Variants in EPHB2 observed in about 807,000 individuals in gnomAD.
The protein encoded by EPHB2 is EPH receptor B2.
EPHB2 carries 18 observed loss-of-function variants against 96.4 expected under a neutral mutation model. That is an observed-to-expected ratio of 0.19 (90% CI 0.13 to 0.28). EPHB2 has a LOEUF of 0.28. Among genes scored for constraint, EPHB2 ranks in the 10% least tolerant of loss-of-function variants. The pLI, the probability that EPHB2 is intolerant of heterozygous loss-of-function variation, is 1.00. For synonymous variants in EPHB2, 506 were observed against 534.1 expected, an observed-to-expected ratio of 0.95 and a Z score of 0.72; for missense variants, 989 against 1,355.4, an observed-to-expected ratio of 0.73 and a Z score of 4.25.
intron 3 of EPHB2, among the ~76,000 whole-genome samples, chr1:22,851,856 C>T (rs1467414171): frequency 6.6e-6 from 1 of 152,238 alleles, no homozygotes; most frequent in Non-Finnish European, 1.5e-5. Context: ...GCCCTGCACA[C>T]AGATGGCCTG....
intron 2 of EPHB2, among the ~76,000 whole-genome samples, chr1:22,783,243 C>T (rs1644559998): frequency 1.3e-5 from 2 of 152,228 alleles, no homozygotes; most frequent in Non-Finnish European, 2.9e-5. Context: ...GGGGTCTAAC[C>T]ATACAGACCA....
At chr1:22,723,995 A>C (rs928033473) in intron 1 of EPHB2, among the ~76,000 whole-genome samples, 1 of 152,248 alleles carries the variant, frequency 6.6e-6, no homozygotes, top group African/African-American at 2.4e-5. Context: ...GAAGGCATTC[A>C]TGTACCCATG....
chr1:22,909,367 G>C (rs921870158), intron 13 of EPHB2, among the ~76,000 whole-genome samples, 196 bp downstream of exon 13: 1 of 152,192 alleles, frequency 6.6e-6, no homozygotes, highest in Non-Finnish European at 1.5e-5. Flanking sequence ...ACTCTCCAGG[G>C]GGTAGGAAGT....
rs763629920 is a variant in EPHB2, at chr1:22,913,810, A to G, written c.*240A>G. On this transcript the variant is annotated 3_prime_UTR_variant, in exon 16 of 16. Transcript: ENST00000374630. The surrounding 1 kb of genome is among the most constrained non-coding windows in gnomAD (Gnocchi z 4.1). Reference sequence around the variant, plus strand: ...ATCCTGGGAGGGGGCGGGAAATACAAGGAATATTTTTTAAAGAGGATTCTC... The same window carrying G: ...ATCCTGGGAGGGGGCGGGAAATACAGGGAATATTTTTTAAAGAGGATTCTC... 2 of 1,610,658 alleles carry G rather than the reference A, an allele frequency of 1.2e-6. No individual in the cohort carries two copies. The highest frequency in any genetic ancestry group is 1.3e-5 in the African/African-American group (1 of 74,784).
chr1:22,744,709 G>T (rs1643946951), intron 1 of EPHB2, among the ~76,000 whole-genome samples: 1 of 144,942 alleles, frequency 6.9e-6, no homozygotes, highest in Non-Finnish European at 1.5e-5. Context: ...GGAAAGCATA[G>T]GCCAGGCATG....
rs576863038 is a variant in EPHB2 at position 22,877,798 on chromosome 1, A to G, written c.1304-4561A>G. On this transcript the variant is annotated intron_variant, in intron 5 of 15. Coordinates refer to ENST00000374630, the MANE Select transcript of EPHB2 (RefSeq NM_017449.5). ...ACTTTCTTTCTCTGGCCCTGAATCC[A>G]CTAGTCCTCAAAATGTGGTCCACAG... Among the ~76,000 whole-genome samples, 7 of 152,262 alleles carry G rather than the reference A, an allele frequency of 4.6e-5. No homozygotes were observed. In the South Asian group the frequency reaches 1.0e-3, roughly 23 times the overall value.
chr1:22,804,286 T>C (rs907864413), intron 3 of EPHB2, among the ~76,000 whole-genome samples: 1 of 150,934 alleles, frequency 6.6e-6, no homozygotes, highest in Non-Finnish European at 1.5e-5. Flanking sequence ...GGGGGATGGA[T>C]GCATGGATGG....
intron 1 of EPHB2, among the ~76,000 whole-genome samples, chr1:22,721,780 A>AT (rs555671339): frequency 0.04 from 5,597 of 141,044 alleles, 153 homozygotes; most frequent in African/African-American, 0.07. Context: ...CGCATCCAGC[A>AT]TTTTTTTTTT....
chr1:22,736,901 G>A (rs1643844300), intron 1 of EPHB2, among the ~76,000 whole-genome samples: 1 of 152,164 alleles, frequency 6.6e-6, no homozygotes, highest in South Asian at 2.1e-4. Context: ...GACTGGGGGA[G>A]ACCGATTGGC....
chr1:22,741,560 C>T (rs888630324), intron 1 of EPHB2, among the ~76,000 whole-genome samples: 3 of 151,778 alleles, frequency 2.0e-5, no homozygotes, highest in Admixed American at 1.3e-4. Context: ...AAATATGTGT[C>T]GAGTGAGTGA....
intron 4 of EPHB2, 35 bp from the exon 5 acceptor site, chr1:22,864,842 G>C (rs569375639): frequency 1.4e-4 from 195 of 1,406,478 alleles, no homozygotes; most frequent in Non-Finnish European, 1.8e-4. Context: ...TACCCCCTGA[G>C]CCCCCCACTG....
chr1:22,715,106 C>T (rs772623233), intron 1 of EPHB2, among the ~76,000 whole-genome samples: 1 of 152,170 alleles, frequency 6.6e-6, no homozygotes, highest in Non-Finnish European at 1.5e-5. Context: ...ACATTGTCAG[C>T]TGAGGAACAT....
intron 3 of EPHB2, among the ~76,000 whole-genome samples, chr1:22,801,306 C>A (rs1337536582): frequency 2.0e-5 from 3 of 152,128 alleles, no homozygotes; most frequent in East Asian, 1.9e-4. Context: ...AGCAGAGGAG[C>A]TTTGGGAAGG....
rs1212113497 is a variant in EPHB2 at position 22,875,870 on chromosome 1, G to C, written c.1304-6489G>C. The stretch of plus-strand genomic sequence containing the variant: ...TCTCGGAGGAGTTGACATTTGAGCT[G>C]AGACTTCAATGAAGAGGAGGATTTG... On this transcript the variant is annotated intron_variant, in intron 5 of 15. Transcript: ENST00000374630. This position sits in a 1 kb window ranked among gnomAD's most constrained non-coding sequence, Gnocchi z 4.2. Among the ~76,000 whole-genome samples the C allele has an allele frequency of 6.6e-6, 1 of 152,112 alleles. No homozygotes were observed. The highest frequency in any genetic ancestry group is 1.5e-5 in the Non-Finnish European group (1 of 68,030).
Position 22,910,588 on chromosome 1 carries a change from C to G in EPHB2, c.2696+13C>G. On this transcript the variant is annotated intron_variant, in intron 14 of 15. Coordinates refer to ENST00000374630, the MANE Select transcript of EPHB2 (RefSeq NM_017449.5). ...CCCTCTCCTCTGGGTAAGGCCCCAC[C>G]CTGGCCCTGCCCCAGCCAGGCCCTG... 6.2e-7 allele frequency: 1 copy of G among 1,613,754 alleles called. No homozygotes were observed.
At chr1:22,831,183 A>C (rs1645298560) in intron 3 of EPHB2, among the ~76,000 whole-genome samples, 1 of 152,176 alleles carries the variant, frequency 6.6e-6, no homozygotes, top group East Asian at 1.9e-4. Flanking sequence ...CAGCAGGTCC[A>C]CTGGGGATGA....
At position 22,811,690 on chromosome 1, in the gene EPHB2, C is replaced by T. The variant is rs1425761066; in HGVS notation, c.811+26614C>T. On this transcript the variant is annotated intron_variant, in intron 3 of 15. Transcript: ENST00000374630. ...GGGAAAGAAGTGTAGTTCTTTCGGA[C>T]CATGTACAGGAGGCAGAGGGGAGGG... Among the ~76,000 whole-genome samples the T allele has an allele frequency of 2.0e-5, 3 of 152,186 alleles. No individual in the cohort carries two copies. The East Asian group carries it at 5.8e-4, about 29-fold the overall frequency.
At position 22,906,811 on chromosome 1, in the gene EPHB2, C is replaced by T. The variant is rs1172063792; in HGVS notation, c.1990C>T (p.Arg664Cys). The part of the protein sequence containing the change: ...TLKSGYTEKQ[R>C]RDFLSEASIM... Reference sequence around the variant, plus strand: ...CAAGTCGGGCTACACGGAGAAGCAGCGCCGGGACTTCCTGAGCGAAGCCTC... The same window carrying T: ...CAAGTCGGGCTACACGGAGAAGCAGTGCCGGGACTTCCTGAGCGAAGCCTC... The change falls in exon 11 of 16, where the codon CGC (arginine) becomes TGC (cysteine). Residue 664 changes from arginine (R) to cysteine (C), a missense_variant. Arg to Cys is a radical substitution (Grantham distance 180). Transcript: ENST00000374630. The surrounding 1 kb of genome is among the most constrained non-coding windows in gnomAD (Gnocchi z 4.8). 6 of 1,614,170 alleles carry T rather than the reference C, an allele frequency of 3.7e-6. No homozygotes were observed. Among genetic ancestry groups the T allele is most frequent in the Non-Finnish European group, 5.1e-6 (6 of 1,180,034 alleles).
chr1:22,784,660 A>G lies in EPHB2; in HGVS notation c.395A>G (p.Glu132Gly). 1 of 1,614,068 alleles carries G rather than the reference A, an allele frequency of 6.2e-7. No individual in the cohort carries two copies. The highest frequency in any genetic ancestry group is 8.5e-7 in the Non-Finnish European group (1 of 1,180,038). The part of the protein sequence containing the change: ...SATKTFPNWM[E>G]NPWVKVDTIA... ...ACCAAGACCTTCCCCAACTGGATGGAGAATCCATGGGTGAAGGTGGATACC... is the reference window on the plus strand; with the variant it reads ...ACCAAGACCTTCCCCAACTGGATGGGGAATCCATGGGTGAAGGTGGATACC... Residue 132 changes from glutamate (E) to glycine (G), a missense_variant, in exon 3 of 16, where the codon GAG becomes GGG. Transcript: ENST00000374630. This position sits in a 1 kb window ranked among gnomAD's most constrained non-coding sequence, Gnocchi z 5.1.
Sources: gnomAD v4.1 joint callset for allele counts (sites outside exome capture counted in the v4.1 genomes callset) on GRCh38, gnomAD v4.1.1 for gene constraint, Gnocchi (gnomAD v3.1) non-coding constraint, MANE v1.5 for transcripts, NCBI Gene and HGNC (gene_info 2026-07-23, HGNC 2026-07-21) for gene names.